The following H1-4 variants were observed in gnomAD, a reference collection of about 807,000 sequenced individuals.
H1-4 encodes the protein histone H1.4.
A neutral mutation model predicts 7.2 loss-of-function variants in H1-4; 9 were observed. The observed-to-expected ratio is 1.25, with a 90% CI of 0.75 to 2.18. The LOEUF (loss-of-function observed/expected upper bound fraction) is 2.18. H1-4 is among the 30% of genes most tolerant of loss of function. The pLI is 0.00. For missense variants in H1-4, 646 were observed against 287.9 expected (o/e 2.24, Z -9.00); for synonymous variants, 318 against 126.6 (o/e 2.51, Z -10.15).
Position 26,156,774 on chromosome 6 carries a change from CAAGAAGCCAGCAGGAGCGGCG to C in H1-4, c.393_413del (p.Ala132_Pro138del). 2 of 1,612,966 alleles carry C rather than the reference CAAGAAGCCAGCAGGAGCGGCG, an allele frequency of 1.2e-6. No individual in the cohort carries two copies. The highest frequency in any genetic ancestry group is 1.7e-6 in the Non-Finnish European group (2 of 1,179,542). ...CTAAAAAGGCAGGCGCGGCCAAGGC[CAAGAAGCCAGCAGGAGCGGCG>C]AAGAAGCCCAAGAAGGCGACGGGGG... On this transcript the variant is annotated inframe_deletion, in exon 1 of 1. Coordinates refer to ENST00000304218, the MANE Select transcript of H1-4 (RefSeq NM_005321.3).
Position 26,156,424 on chromosome 6 carries a change from C to T in H1-4, c.34C>T (p.Pro12Ser), listed in dbSNP as rs745963346. ...GACTGCGCCTGCCGCGCCCGCTGCTCCGGCCCCTGCCGAGAAGACTCCCGT... is the reference window on the plus strand; with the variant it reads ...GACTGCGCCTGCCGCGCCCGCTGCTTCGGCCCCTGCCGAGAAGACTCCCGT... ...SETAPAAPAA[P>S]APAEKTPVKK... Residue 12 changes from proline (P) to serine (S), a missense_variant, in exon 1 of 1, where the codon CCG becomes TCG. Transcript: ENST00000304218. The T allele has an allele frequency of 4.4e-6, 7 of 1,600,198 alleles. No individual in the cohort carries two copies. Among genetic ancestry groups the T allele is most frequent in the East Asian group, 4.5e-5 (2 of 44,650 alleles).
Position 26,157,002 on chromosome 6 carries a change from C to G in H1-4, c.612C>G (p.Ala204=). 1.3e-6 allele frequency: 2 copies of G among 1,599,570 alleles called. No homozygotes were observed. The highest frequency in any genetic ancestry group is 1.4e-5 in the African/African-American group (1 of 73,666). Residue 204 remains alanine, a synonymous_variant, in exon 1 of 1, where the codon GCC becomes GCG. Coordinates refer to ENST00000304218, the MANE Select transcript of H1-4 (RefSeq NM_005321.3). ...CCAAGGCGGCTAAACCAAAGACCGC[C>G]AAGCCCAAGGCAGCCAAGCCAAAGA... ...VKPKAAKPKT[A]KPKAAKPKKA...
rs1476113062 is a variant in H1-4, at chr6:26,156,744, T to C, written c.354T>C (p.Pro118=). 2.5e-6 allele frequency: 4 copies of C among 1,613,552 alleles called. 1 individual carries two copies. The Admixed American group carries it at 5.0e-5, about 20-fold the overall frequency. The change falls in exon 1 of 1, where the codon CCT becomes CCC. Residue 118 remains proline (P), a synonymous_variant. Coordinates refer to ENST00000304218, the MANE Select transcript of H1-4 (RefSeq NM_005321.3). ...NKKAASGEAK[P]KAKKAGAAKA... ...AGGCGGCCTCTGGGGAAGCCAAGCC[T>C]AAGGCTAAAAAGGCAGGCGCGGCCA... is the stretch of plus-strand genomic sequence containing the variant.
rs771131490 is a variant in H1-4, at chr6:26,156,829, C to T, written c.439C>T (p.Pro147Ser). Residue 147 changes from proline (P) to serine (S), a missense_variant, in exon 1 of 1, where the codon CCC becomes TCC. Physicochemically the swap from Pro to Ser is moderately conservative, Grantham distance 74 (BLOSUM62 -1). Coordinates refer to ENST00000304218, the MANE Select transcript of H1-4 (RefSeq NM_005321.3). ...CAAGAAGGCGACGGGGGCGGCCACC[C>T]CCAAGAAGAGCGCCAAGAAGACCCC... is the stretch of plus-strand genomic sequence containing the variant. ...KPKKATGAAT[P>S]KKSAKKTPKK... 1.9e-6 allele frequency: 3 copies of T among 1,606,530 alleles called. No homozygotes were observed. The highest frequency in any genetic ancestry group is 2.5e-6 in the Non-Finnish European group (3 of 1,176,860).
chr6:26,156,516 G>A lies in H1-4; in HGVS notation c.126G>A (p.Glu42=), dbSNP rs568154277. The A allele has an allele frequency of 1.1e-5, 18 of 1,613,954 alleles. 1 individual carries two copies. Among genetic ancestry groups the A allele is most frequent in the South Asian group, 6.6e-5 (6 of 91,084 alleles). The part of the protein sequence containing the change: ...KRKASGPPVS[E]LITKAVAASK... Reference sequence around the variant, plus strand: ...AAGCGTCTGGGCCCCCGGTGTCCGAGCTCATTACTAAAGCTGTTGCCGCCT... The same window carrying A: ...AAGCGTCTGGGCCCCCGGTGTCCGAACTCATTACTAAAGCTGTTGCCGCCT... The change falls in exon 1 of 1, where the codon GAG becomes GAA. Residue 42 remains glutamate, a synonymous_variant. Transcript: ENST00000304218.
chr6:26,156,719 A>G lies in H1-4; in HGVS notation c.329A>G (p.Lys110Arg), dbSNP rs756490282. The G allele has an allele frequency of 6.2e-7, 1 of 1,614,168 alleles. No individual in the cohort carries two copies. The highest frequency in any genetic ancestry group is 2.2e-5 in the East Asian group (1 of 44,878). The change falls in exon 1 of 1, where the codon AAG becomes AGG. Residue 110 changes from lysine to arginine, a missense_variant. Lys to Arg is a conservative substitution (Grantham distance 26). Transcript: ENST00000304218. ...GASGSFKLNK[K>R]AASGEAKPKA... ...TCGGGTTCCTTCAAACTCAACAAGA[A>G]GGCGGCCTCTGGGGAAGCCAAGCCT...
In H1-4 at chr6:26,156,461, C is replaced by G; in HGVS notation, c.71C>G (p.Ala24Gly). Reference sequence around the variant, plus strand: ...GAGAAGACTCCCGTGAAGAAGAAGGCCCGCAAGTCTGCAGGTGCGGCCAAG... The same window carrying G: ...GAGAAGACTCCCGTGAAGAAGAAGGGCCGCAAGTCTGCAGGTGCGGCCAAG... The part of the protein sequence containing the change: ...PAEKTPVKKK[A>G]RKSAGAAKRK... Residue 24 changes from alanine to glycine, a missense_variant, in exon 1 of 1, where the codon GCC becomes GGC. Ala to Gly is a moderately conservative substitution (Grantham distance 60). Coordinates refer to ENST00000304218, the MANE Select transcript of H1-4 (RefSeq NM_005321.3). 1.2e-6 allele frequency: 2 copies of G among 1,612,548 alleles called. No individual in the cohort carries two copies. The highest frequency in any genetic ancestry group is 1.1e-5 in the South Asian group (1 of 91,048).
In H1-4 at chr6:26,156,483, C is replaced by T. The variant is rs141466409; in HGVS notation, c.93C>T (p.Ala31=). The T allele has an allele frequency of 8.1e-6, 13 of 1,613,544 alleles. No homozygotes were observed. Among genetic ancestry groups the T allele is most frequent in the African/African-American group, 1.3e-5 (1 of 75,072 alleles). The change falls in exon 1 of 1, where the codon GCC becomes GCT. Residue 31 remains alanine (A), a synonymous_variant. Coordinates refer to ENST00000304218, the MANE Select transcript of H1-4 (RefSeq NM_005321.3). ...AGGCCCGCAAGTCTGCAGGTGCGGC[C>T]AAGCGCAAAGCGTCTGGGCCCCCGG... ...KKKARKSAGA[A]KRKASGPPVS...
rs1003944586 is a variant in H1-4 at position 26,156,711 on chromosome 6, C to G, written c.321C>G (p.Leu107=). 6.2e-7 allele frequency: 1 copy of G among 1,614,092 alleles called. No homozygotes were observed. Among genetic ancestry groups the G allele is most frequent in the Admixed American group, 1.7e-5 (1 of 60,012 alleles). The change falls in exon 1 of 1, where the codon CTC becomes CTG. Residue 107 remains leucine, a synonymous_variant. Transcript: ENST00000304218. ...CCGGCGCGTCGGGTTCCTTCAAACT[C>G]AACAAGAAGGCGGCCTCTGGGGAAG... is the stretch of plus-strand genomic sequence containing the variant. ...KGTGASGSFK[L]NKKAASGEAK... is the part of the protein sequence containing the mutation.
In H1-4 at chr6:26,156,853, C is replaced by T. The variant is rs1248841418; in HGVS notation, c.463C>T (p.Pro155Ser). The T allele has an allele frequency of 5.6e-6, 9 of 1,607,294 alleles. No homozygotes were observed. The highest frequency in any genetic ancestry group is 7.6e-6 in the Non-Finnish European group (9 of 1,177,514). ...CCCCAAGAAGAGCGCCAAGAAGACC[C>T]CAAAGAAGGCGAAGAAGCCGGCTGC... ...ATPKKSAKKTPKKAKKPAAAA... is the reference protein window; with the variant it reads ...ATPKKSAKKTSKKAKKPAAAA... Residue 155 changes from proline to serine, a missense_variant, in exon 1 of 1, where the codon CCA (proline) becomes TCA (serine). Transcript: ENST00000304218.
chr6:26,156,637 G>T lies in H1-4; in HGVS notation c.247G>T (p.Gly83Cys). 1 of 1,614,262 alleles carries T rather than the reference G, an allele frequency of 6.2e-7. No individual in the cohort carries two copies. The highest frequency in any genetic ancestry group is 8.5e-7 in the Non-Finnish European group (1 of 1,180,044). ...GAAGAACAACAGCCGCATCAAGCTG[G>T]GTCTCAAGAGCCTGGTGAGCAAGGG... ...VEKNNSRIKLGLKSLVSKGTL... is the reference protein window; with the variant it reads ...VEKNNSRIKLCLKSLVSKGTL... Residue 83 changes from glycine to cysteine, a missense_variant, in exon 1 of 1, where the codon GGT becomes TGT. By Grantham distance (159) the Gly-to-Cys change is radical. Transcript: ENST00000304218.
At position 26,156,822 on chromosome 6, in the gene H1-4, G is replaced by A. The variant is rs754588242; in HGVS notation, c.432G>A (p.Ala144=). 1.2e-6 allele frequency: 2 copies of A among 1,607,072 alleles called. No homozygotes were observed. The highest frequency in any genetic ancestry group is 1.8e-4 in the Middle Eastern group (1 of 5,650). ...AGAAGCCCAAGAAGGCGACGGGGGCGGCCACCCCCAAGAAGAGCGCCAAGA... is the reference window on the plus strand; with the variant it reads ...AGAAGCCCAAGAAGGCGACGGGGGCAGCCACCCCCAAGAAGAGCGCCAAGA... The part of the protein sequence containing the change: ...AAKKPKKATG[A]ATPKKSAKKT... The change falls in exon 1 of 1, where the codon GCG becomes GCA. Residue 144 remains alanine, a synonymous_variant. Transcript: ENST00000304218.
chr6:26,156,841 G>T lies in H1-4; in HGVS notation c.451G>T (p.Ala151Ser). ...GGGGGCGGCCACCCCCAAGAAGAGC[G>T]CCAAGAAGACCCCAAAGAAGGCGAA... Reference protein sequence around the residue: ...ATGAATPKKSAKKTPKKAKKP... With the variant: ...ATGAATPKKSSKKTPKKAKKP... The change falls in exon 1 of 1, where the codon GCC (alanine) becomes TCC (serine). Residue 151 changes from alanine to serine, a missense_variant. Transcript: ENST00000304218. The T allele has an allele frequency of 6.2e-7, 1 of 1,606,396 alleles. No individual in the cohort carries two copies. The highest frequency in any genetic ancestry group is 8.5e-7 in the Non-Finnish European group (1 of 1,176,964).
rs200323601 is a variant in H1-4 at position 26,156,504 on chromosome 6, C to G, written c.114C>G (p.Pro38=). The G allele has an allele frequency of 3.7e-6, 6 of 1,613,798 alleles. No homozygotes were observed. The highest frequency in any genetic ancestry group is 2.2e-5 in the East Asian group (1 of 44,870). Residue 38 remains proline (P), a synonymous_variant, in exon 1 of 1, where the codon CCC becomes CCG. Transcript: ENST00000304218. ...AGAAKRKASG[P]PVSELITKAV... ...CGGCCAAGCGCAAAGCGTCTGGGCC[C>G]CCGGTGTCCGAGCTCATTACTAAAG...
chr6:26,156,376 A>T lies in H1-4; in HGVS notation c.-15A>T. On this transcript the variant is annotated 5_prime_UTR_variant, in exon 1 of 1. Coordinates refer to ENST00000304218, the MANE Select transcript of H1-4 (RefSeq NM_005321.3). ...CTTCCGGCTCGAATTGCTCTCGCTCACGCTTGCCTTCAACATGTCCGAGAC... is the reference window on the plus strand; with the variant it reads ...CTTCCGGCTCGAATTGCTCTCGCTCTCGCTTGCCTTCAACATGTCCGAGAC... The T allele has an allele frequency of 6.5e-7, 1 of 1,538,668 alleles. No individual in the cohort carries two copies. The highest frequency in any genetic ancestry group is 2.1e-5 in the Admixed American group (1 of 48,064).
Position 26,156,334 on chromosome 6 carries a change from C to A in H1-4, c.-57C>A, listed in dbSNP as rs1417605802. On this transcript the variant is annotated 5_prime_UTR_variant, in exon 1 of 1. Coordinates refer to ENST00000304218, the MANE Select transcript of H1-4 (RefSeq NM_005321.3). ...GCGGGCGCAGCGCCGCGGCTCGAGT[C>A]CCGGCCAGTGCCTCTGCTTCCGGCT... is the stretch of plus-strand genomic sequence containing the variant. 4.8e-6 allele frequency: 7 copies of A among 1,467,994 alleles called. No homozygotes were observed. Among genetic ancestry groups the A allele is most frequent in the East Asian group, 4.6e-5 (2 of 43,814 alleles). 90.9% of individuals were successfully genotyped at this position (1,467,994 alleles called of 1,614,324 possible). A position where few individuals can be genotyped will look rare whatever the true frequency, so the allele number is the denominator to read the frequency against.
Position 26,156,337 on chromosome 6 carries a change from GGCCA to G in H1-4, c.-52_-49del. On this transcript the variant is annotated 5_prime_UTR_variant, in exon 1 of 1. Coordinates refer to ENST00000304218, the MANE Select transcript of H1-4 (RefSeq NM_005321.3). ...GGCGCAGCGCCGCGGCTCGAGTCCC[GGCCA>G]GTGCCTCTGCTTCCGGCTCGAATTG... 6.8e-7 allele frequency: 1 copy of G among 1,476,358 alleles called. No homozygotes were observed. The highest frequency in any genetic ancestry group is 9.0e-7 in the Non-Finnish European group (1 of 1,106,942). The allele number at this position is 1,476,358 out of a possible 1,614,324, so 91.5% of individuals were successfully genotyped here. A position where few individuals can be genotyped will look rare whatever the true frequency, so the allele number is the denominator to read the frequency against.
rs1291247604 is a variant in H1-4 at position 26,156,640 on chromosome 6, C to T, written c.250C>T (p.Leu84Phe). ...EKNNSRIKLG[L>F]KSLVSKGTLV... ...GAACAACAGCCGCATCAAGCTGGGT[C>T]TCAAGAGCCTGGTGAGCAAGGGCAC... is the stretch of plus-strand genomic sequence containing the variant. Residue 84 changes from leucine (L) to phenylalanine (F), a missense_variant, in exon 1 of 1, where the codon CTC becomes TTC. By Grantham distance (22) the Leu-to-Phe change is conservative (BLOSUM62 0). Coordinates refer to ENST00000304218, the MANE Select transcript of H1-4 (RefSeq NM_005321.3). 3 of 1,614,268 alleles carry T rather than the reference C, an allele frequency of 1.9e-6. No homozygotes were observed. The highest frequency in any genetic ancestry group is 2.5e-6 in the Non-Finnish European group (3 of 1,180,048).
rs775385246 is a variant in H1-4 at position 26,157,047 on chromosome 6, G to A, written c.657G>A (p.Lys219=). Residue 219 remains lysine, a synonymous_variant, in exon 1 of 1, where the codon AAG becomes AAA. Transcript: ENST00000304218. ...AKPKKAAAKK[K] ...CAAAGAAGGCGGCAGCCAAGAAAAA[G>A]TAGAAAGTTCCTTTGGCCAACTGCT... The A allele has an allele frequency of 4.4e-6, 7 of 1,580,456 alleles. No homozygotes were observed. Among genetic ancestry groups the A allele is most frequent in the Middle Eastern group, 1.8e-4 (1 of 5,692 alleles).
Sources: gnomAD v4.1 joint callset for allele counts on GRCh38, gnomAD v4.1.1 for gene constraint, MANE v1.5 for transcripts, NCBI Gene and HGNC (gene_info 2026-07-23, HGNC 2026-07-21) for gene names.